The following UNC5D variants were observed in gnomAD, a reference collection of about 807,000 sequenced individuals.
UNC5D encodes the protein netrin receptor UNC5D.
UNC5D carries 39 observed loss-of-function variants against 105.4 expected under a neutral mutation model. The ratio of observed to expected loss-of-function variants is 0.37; its 90% CI spans 0.29 to 0.48. UNC5D has a LOEUF of 0.48. UNC5D is among the 20% of genes least tolerant of loss of function. The probability of loss-of-function intolerance (pLI) is 0.98; values close to 1 mark genes in which losing one functional copy is unlikely to be tolerated. For missense variants in UNC5D, 991 were observed against 1,202.4 expected (o/e 0.82, Z 2.60); for synonymous variants, 452 against 450.4 (o/e 1.00, Z -0.04).
chr8:35,519,658 T>A (rs1275531406), intron 1 of UNC5D, among the ~76,000 whole-genome samples: 1 of 152,120 alleles, frequency 6.6e-6, no homozygotes, highest in Non-Finnish European at 1.5e-5. Context: ...CATTGACAGA[T>A]TGAATAAGTA....
chr8:35,763,470 G>T, intron 14 of UNC5D, among the ~76,000 whole-genome samples: 1 of 147,722 alleles, frequency 6.8e-6, no homozygotes, highest in Non-Finnish European at 1.5e-5. Flanking sequence ...TTTTTGGAAG[G>T]CAAGCATTAC....
At position 35,390,330 on chromosome 8, in the gene UNC5D, G is replaced by A. The variant is rs376844526; in HGVS notation, c.103+154443G>A. Reference sequence around the variant, plus strand: ...ATGGGGTAAATATCCAAACTATATCGAGAGTTAACTTAAAATAGGCTCTGG... The same window carrying A: ...ATGGGGTAAATATCCAAACTATATCAAGAGTTAACTTAAAATAGGCTCTGG... On this transcript the variant is annotated intron_variant, in intron 1 of 16. Coordinates refer to ENST00000404895, the MANE Select transcript of UNC5D (RefSeq NM_080872.4). 2.0e-3 allele frequency among the ~76,000 whole-genome samples: 306 copies of A among 152,232 alleles called. 1 individual carries two copies. Among genetic ancestry groups the A allele is most frequent in the African/African-American group, 7.1e-3 (293 of 41,534 alleles).
At chr8:35,319,726 C>T (rs369987822) in intron 1 of UNC5D, among the ~76,000 whole-genome samples, 1 of 151,546 alleles carries the variant, frequency 6.6e-6, no homozygotes, top group Non-Finnish European at 1.5e-5. Context: ...TTATCAAATA[C>T]AATATGGTCC....
chr8:35,694,281 T>G (rs1826605222), intron 7 of UNC5D, among the ~76,000 whole-genome samples: 1 of 152,116 alleles, frequency 6.6e-6, no homozygotes, highest in African/African-American at 2.4e-5. Context: ...GGGCCTAGAT[T>G]GATCTGGCAT....
At chr8:35,415,570 G>A (rs1304024358) in intron 1 of UNC5D, among the ~76,000 whole-genome samples, 1 of 151,912 alleles carries the variant, frequency 6.6e-6, no homozygotes. Context: ...CTTTCATCAA[G>A]GTAGCTCTAT....
chr8:35,319,876 T>A (rs1809593430), intron 1 of UNC5D, among the ~76,000 whole-genome samples: 1 of 151,996 alleles, frequency 6.6e-6, no homozygotes, highest in Non-Finnish European at 1.5e-5. Flanking sequence ...AGAGAGACAT[T>A]TAAAATGTAA....
chr8:35,369,279 A>ATCCTCACC (rs1802299296), intron 1 of UNC5D, among the ~76,000 whole-genome samples: 1 of 152,198 alleles, frequency 6.6e-6, no homozygotes, highest in Non-Finnish European at 1.5e-5. Flanking sequence ...TTGTCCTTGC[A>ATCCTCACC]TCCTCACCAT....
intron 8 of UNC5D, among the ~76,000 whole-genome samples, chr8:35,712,465 A>G (rs1335351418): frequency 2.0e-5 from 3 of 152,310 alleles, no homozygotes; most frequent in South Asian, 2.1e-4. Flanking sequence ...TCTTGTAACA[A>G]TCATCTACTC....
chr8:35,376,253 G>A (rs1018892034), intron 1 of UNC5D, among the ~76,000 whole-genome samples: 1 of 152,210 alleles, frequency 6.6e-6, no homozygotes, highest in Non-Finnish European at 1.5e-5. Flanking sequence ...AGCAACAGGA[G>A]AAAAGAGGAG....
intron 4 of UNC5D, among the ~76,000 whole-genome samples, chr8:35,648,173 C>T (rs529851724): frequency 2.4e-4 from 36 of 152,182 alleles, no homozygotes; most frequent in African/African-American, 5.8e-4. Flanking sequence ...AAGCCAAATA[C>T]GCAGCTCATT....
chr8:35,350,383 C>T (rs568838634), intron 1 of UNC5D, among the ~76,000 whole-genome samples: 2 of 151,910 alleles, frequency 1.3e-5, no homozygotes, highest in African/African-American at 2.4e-5. Context: ...TCTCCCTTAG[C>T]GTAGGTGTCT....
chr8:35,319,117 A>T (rs1809520482), intron 1 of UNC5D, among the ~76,000 whole-genome samples: 1 of 152,116 alleles, frequency 6.6e-6, no homozygotes. Flanking sequence ...CTGACAAGGC[A>T]TCTTTGAACT....
intron 1 of UNC5D, among the ~76,000 whole-genome samples, chr8:35,456,316 T>C (rs1469967221): frequency 1.9e-4 from 29 of 152,198 alleles, no homozygotes; most frequent in Non-Finnish European, 1.5e-5. Context: ...CACAGATTGC[T>C]GGCTCCTACC....
intron 1 of UNC5D, among the ~76,000 whole-genome samples, chr8:35,521,367 T>C (rs1289637073): frequency 6.6e-6 from 1 of 152,150 alleles, no homozygotes; most frequent in African/African-American, 2.4e-5. Flanking sequence ...CTAAGGATGT[T>C]AAATTAATCC....
At chr8:35,782,816 A>T (rs1390536387) in intron 16 of UNC5D, among the ~76,000 whole-genome samples, 1 of 152,020 alleles carries the variant, frequency 6.6e-6, no homozygotes, top group Non-Finnish European at 1.5e-5. Context: ...AAGATCTTTT[A>T]AAAATACTCT....
intron 4 of UNC5D, among the ~76,000 whole-genome samples, chr8:35,660,971 G>C (rs1381627675): frequency 6.6e-6 from 1 of 152,062 alleles, no homozygotes; most frequent in African/African-American, 2.4e-5. Flanking sequence ...GGTGGCTTGT[G>C]CCTACAGTCC....
At chr8:35,318,927 C>T (rs1273114534) in intron 1 of UNC5D, among the ~76,000 whole-genome samples, 1 of 152,080 alleles carries the variant, frequency 6.6e-6, no homozygotes, top group African/African-American at 2.4e-5. Flanking sequence ...TTAATACTAA[C>T]TTAGGAGTTT....
At position 35,671,900 on chromosome 8, in the gene UNC5D, G is replaced by A. The variant is rs146595758; in HGVS notation, c.571-11647G>A. Among the ~76,000 whole-genome samples the A allele has an allele frequency of 1.4e-3, 212 of 152,070 alleles. 1 individual carries two copies. Among genetic ancestry groups the A allele is most frequent in the African/African-American group, 4.9e-3 (202 of 41,496 alleles). On this transcript the variant is annotated intron_variant, in intron 4 of 16. Coordinates refer to ENST00000404895, the MANE Select transcript of UNC5D (RefSeq NM_080872.4). The stretch of plus-strand genomic sequence containing the variant: ...TTGATAATGCTGTAAGCTGGTCTCC[G>A]ATAATTACCTTCTATAATTGGAACA...
intron 1 of UNC5D, among the ~76,000 whole-genome samples, chr8:35,281,017 TG>T (rs1157935187): frequency 6.6e-6 from 1 of 152,222 alleles, no homozygotes; most frequent in Non-Finnish European, 1.5e-5. Flanking sequence ...CCCGTTACTC[TG>T]GGCACAAAGC....
Sources: gnomAD v4.1 joint callset for allele counts (sites outside exome capture counted in the v4.1 genomes callset) on GRCh38, gnomAD v4.1.1 for gene constraint, MANE v1.5 for transcripts, NCBI Gene and HGNC (gene_info 2026-07-23, HGNC 2026-07-21) for gene names.